Variants in GALNT9 observed in about 807,000 individuals in gnomAD.
The protein encoded by GALNT9 is polypeptide N-acetylgalactosaminyltransferase 9, also known as GalNAc transferase 9.
GALNT9 carries 47 observed loss-of-function variants against 63.1 expected under a neutral mutation model. That is an observed-to-expected ratio of 0.75 (90% CI 0.59 to 0.95). GALNT9 has a LOEUF of 0.95. Among genes scored for constraint, GALNT9 ranks in the 40% least tolerant of loss-of-function variants. GALNT9 has a pLI of 0.00. For missense variants in GALNT9, 829 were observed against 874.8 expected (o/e 0.95, Z 0.66); for synonymous variants, 396 against 365.7 (o/e 1.08, Z -0.94).
intron 5 of GALNT9, among the ~76,000 whole-genome samples, chr12:132,251,623 C>G (rs1555238583): frequency 6.6e-6 from 1 of 152,212 alleles, no homozygotes; most frequent in East Asian, 1.9e-4. Flanking sequence ...TTCTTTGTTC[C>G]TCGGGTGAAG....
rs1356226490 is a variant in GALNT9 at position 132,316,077 on chromosome 12, T to C, written c.238+12889A>G. 6.6e-6 allele frequency among the ~76,000 whole-genome samples: 1 copy of C among 152,138 alleles called. No individual in the cohort carries two copies. ...CCTGCAGGTCTTGGGTTCCGTCATG[T>C]TTCCTCATCAGCCTTTCGCCTCCTC... On this transcript the variant is annotated intron_variant, in intron 1 of 10. Transcript: ENST00000328957. The surrounding 1 kb of genome is among the most constrained non-coding windows in gnomAD (Gnocchi z 4.3).
At chr12:132,317,349 C>T (rs1868560529) in intron 1 of GALNT9, among the ~76,000 whole-genome samples, 2 of 152,224 alleles carry the variant, frequency 1.3e-5, no homozygotes, top group Admixed American at 1.3e-4. Flanking sequence ...GCACTGCCCC[C>T]CCAGGCCACA....
intron 10 of GALNT9, 97 bp from the exon 11 acceptor site, chr12:132,197,350 C>T (rs1270659160): frequency 5.9e-6 from 9 of 1,529,990 alleles, no homozygotes; most frequent in Non-Finnish European, 7.9e-6. Context: ...AGCCCTCGTG[C>T]TCATTCTTGG....
At chr12:132,240,606 G>C (rs1409289898) in intron 6 of GALNT9, 3 of 455,446 alleles carry the variant, frequency 6.6e-6, no homozygotes, top group Middle Eastern at 3.3e-4. Context: ...CTCCGTGCGT[G>C]GCCCCGGGGC....
chr12:132,323,811 C>T (rs540660091), intron 1 of GALNT9, among the ~76,000 whole-genome samples: 1 of 152,310 alleles, frequency 6.6e-6, no homozygotes, highest in South Asian at 2.1e-4. Context: ...GAACCTCGGC[C>T]GGGGCGGGGG....
At chr12:132,287,957 C>T (rs60272105) in intron 1 of GALNT9, among the ~76,000 whole-genome samples, 5,814 of 152,216 alleles carry the variant, frequency 0.038, 368 homozygotes, top group African/African-American at 0.13. Flanking sequence ...CAGAAAGAGG[C>T]GGCATGGACC....
chr12:132,274,316 C>T (rs1879977913), intron 2 of GALNT9: 1 of 152,780 alleles, frequency 6.5e-6, no homozygotes, highest in African/African-American at 2.4e-5. Flanking sequence ...CTGCTCCTGC[C>T]CCAGGGCCTT....
At chr12:132,203,069 C>T (rs1299111261) in intron 7 of GALNT9, among the ~76,000 whole-genome samples, 1 of 152,150 alleles carries the variant, frequency 6.6e-6, no homozygotes, top group African/African-American at 2.4e-5. Context: ...GGAAGCCACA[C>T]AGCGTATGAG....
rs138214504 is a variant in GALNT9 at position 132,255,130 on chromosome 12, A to T, written c.959+2559T>A. ...TTCTCAACCAAGGGCACCCCAAAGT[A>T]ACCCAGGAAAACGAGCTCAGGTCCT... On this transcript the variant is annotated intron_variant, in intron 5 of 10. Transcript: ENST00000328957. Among the ~76,000 whole-genome samples the T allele has an allele frequency of 2.7e-3, 405 of 152,346 alleles. 2 individuals are homozygous for T. Among genetic ancestry groups the T allele is most frequent in the African/African-American group, 9.1e-3 (379 of 41,566 alleles).
intron 1 of GALNT9, among the ~76,000 whole-genome samples, chr12:132,309,969 G>A (rs1881755864): frequency 6.6e-6 from 1 of 152,258 alleles, no homozygotes; most frequent in Non-Finnish European, 1.5e-5. Context: ...CCTCGCCGCT[G>A]AGGGTGGCGC....
intron 5 of GALNT9, among the ~76,000 whole-genome samples, chr12:132,256,169 G>T (rs1879102421): frequency 6.6e-6 from 1 of 152,112 alleles, no homozygotes; most frequent in African/African-American, 2.4e-5. Flanking sequence ...TCCTTTTCCA[G>T]CAGAGAACAC....
At chr12:132,276,078 C>T (rs782415082) in intron 2 of GALNT9, among the ~76,000 whole-genome samples, 9 of 152,230 alleles carry the variant, frequency 5.9e-5, no homozygotes, top group Non-Finnish European at 1.2e-4. Flanking sequence ...CTCAGCTTTC[C>T]GGTTGGCTTC....
chr12:132,204,390 G>A (rs375007584), intron 6 of GALNT9, among the ~76,000 whole-genome samples: 96 of 152,242 alleles, frequency 6.3e-4, no homozygotes, highest in African/African-American at 2.1e-3. Context: ...GTGCTGGGAC[G>A]TTTGCTCTCC....
intron 2 of GALNT9, among the ~76,000 whole-genome samples, chr12:132,269,494 G>A (rs1274449293): frequency 4.6e-5 from 7 of 151,832 alleles, no homozygotes; most frequent in East Asian, 2.0e-4. Flanking sequence ...GTGGAGGGGC[G>A]TCAGGGAGGA....
intron 5 of GALNT9, among the ~76,000 whole-genome samples, chr12:132,253,908 T>C (rs555112369): frequency 1.9e-4 from 29 of 152,302 alleles, no homozygotes; most frequent in Admixed American, 1.5e-3. Context: ...TGCCCTGATA[T>C]GCAAATGAGG....
chr12:132,201,373 C>G, intron 7 of GALNT9, 112 bp from the exon 8 acceptor site: 1 of 667,814 alleles, frequency 1.5e-6, no homozygotes, highest in Non-Finnish European at 2.6e-6. Flanking sequence ...GGAGCAGCCT[C>G]CCCCCCAGTA....
intron 1 of GALNT9, among the ~76,000 whole-genome samples, chr12:132,287,160 C>T (rs1880632006): frequency 6.6e-6 from 1 of 151,644 alleles, no homozygotes; most frequent in South Asian, 2.1e-4. Flanking sequence ...CACGCCAGCC[C>T]CCCGTGAGCC....
chr12:132,298,383 A>C (rs1303954550), intron 1 of GALNT9, among the ~76,000 whole-genome samples: 1 of 151,314 alleles, frequency 6.6e-6, no homozygotes, highest in Non-Finnish European at 1.5e-5. Context: ...ACCTGCTCCC[A>C]CCATACCTAA....
At position 132,291,145 on chromosome 12, in the gene GALNT9, A is replaced by T. The variant is rs868945815; in HGVS notation, c.239-4715T>A. 4.0e-3 allele frequency among the ~76,000 whole-genome samples: 66 copies of T among 16,392 alleles called. 9 individuals are homozygous for T. In the South Asian group the frequency reaches 0.073, roughly 18 times the overall value. The allele number at this position is 16,392 out of a possible 152,430, so 10.8% of individuals were successfully genotyped here. On this transcript the variant is annotated intron_variant, in intron 1 of 10. Coordinates refer to ENST00000328957, the MANE Select transcript of GALNT9 (RefSeq NM_001122636.2). The stretch of plus-strand genomic sequence containing the variant: ...AGCACCCACATCCACAGCACCCACA[A>T]CCACAGCACCCACGTCCACAGCACC...
Sources: allele counts gnomAD v4.1 joint callset (sites outside exome capture counted in the v4.1 genomes callset), GRCh38; gene constraint gnomAD v4.1.1; non-coding constraint Gnocchi (gnomAD v3.1); transcripts MANE v1.5; gene names NCBI Gene and HGNC (gene_info 2026-07-23, HGNC 2026-07-21).